The following SUPT3H variants were observed in gnomAD, a reference collection of about 807,000 sequenced individuals.
The protein encoded by SUPT3H is transcription initiation protein SPT3 homolog.
A neutral mutation model predicts 44.3 loss-of-function variants in SUPT3H; 44 were observed. The observed-to-expected ratio is 0.99, with a 90% CI of 0.78 to 1.28. SUPT3H has a LOEUF of 1.28. Among genes scored for constraint, SUPT3H ranks in the 50% most tolerant of loss-of-function variants. The pLI is 0.00. For synonymous variants in SUPT3H, 124 were observed against 125.6 expected, an observed-to-expected ratio of 0.99 and a Z score of 0.09; for missense variants, 380 against 387.1, an observed-to-expected ratio of 0.98 and a Z score of 0.15.
intron 2 of SUPT3H, among the ~76,000 whole-genome samples, chr6:45,294,660 A>G (rs1003644588): frequency 2.7e-5 from 4 of 148,090 alleles, no homozygotes; most frequent in South Asian, 2.1e-4. Flanking sequence ...TACACTAATC[A>G]GCACCTCTTC....
intron 11 of SUPT3H, among the ~76,000 whole-genome samples, chr6:44,814,356 A>C (rs1304345752): frequency 6.6e-6 from 1 of 152,190 alleles, no homozygotes; most frequent in East Asian, 1.9e-4. Flanking sequence ...GCAGTGATCC[A>C]AGTCCAGGGT....
At chr6:45,319,911 C>A (rs1785226214) in intron 2 of SUPT3H, among the ~76,000 whole-genome samples, 2 of 152,026 alleles carry the variant, frequency 1.3e-5, no homozygotes, top group African/African-American at 4.8e-5. Context: ...GTACATAAAT[C>A]TTAACATCTT....
intron 10 of SUPT3H, among the ~76,000 whole-genome samples, chr6:44,917,600 T>A (rs371348382): frequency 6.6e-6 from 1 of 152,180 alleles, no homozygotes; most frequent in East Asian, 1.9e-4. Flanking sequence ...GCTTTCACCT[T>A]GGTAGAGCAC....
At position 45,123,031 on chromosome 6, in the gene SUPT3H, CTAAA is replaced by C. The variant is rs1801896835; in HGVS notation, c.102-17029_102-17026del. Among the ~76,000 whole-genome samples, 4 of 152,268 alleles carry C rather than the reference CTAAA, an allele frequency of 2.6e-5. No homozygotes were observed. The South Asian group carries it at 8.3e-4, about 32-fold the overall frequency. On this transcript the variant is annotated intron_variant, in intron 2 of 10. Transcript: ENST00000371459. ...CAAAAGCTGACACTTAAGTGGAATA[CTAAA>C]TAAATATAGTCCTATTTTCTTTATT...
intron 10 of SUPT3H, among the ~76,000 whole-genome samples, chr6:44,919,295 GA>G (rs368195071): frequency 1.3e-5 from 2 of 150,242 alleles, no homozygotes; most frequent in East Asian, 3.9e-4. Flanking sequence ...TTTAATGAAG[GA>G]AAAAAAAAGT....
At chr6:44,889,557 A>G (rs1180827019) in intron 10 of SUPT3H, among the ~76,000 whole-genome samples, 1 of 152,232 alleles carries the variant, frequency 6.6e-6, no homozygotes, top group African/African-American at 2.4e-5. Flanking sequence ...CTGGCTAGCC[A>G]CATGTAGAAA....
chr6:45,228,237 G>A (rs1273984606), intron 2 of SUPT3H, among the ~76,000 whole-genome samples: 1 of 152,182 alleles, frequency 6.6e-6, no homozygotes, highest in East Asian at 1.9e-4. Flanking sequence ...ATTATTCTAA[G>A]TTATTCTATG....
At chr6:45,055,995 T>A (rs2186062) in intron 3 of SUPT3H, among the ~76,000 whole-genome samples, 1 of 151,504 alleles carries the variant, frequency 6.6e-6, no homozygotes, top group East Asian at 1.9e-4. Context: ...ACAAATAATC[T>A]CATCAAAAAA....
intron 2 of SUPT3H, among the ~76,000 whole-genome samples, chr6:45,141,733 A>T (rs1805251640): frequency 6.6e-6 from 1 of 152,178 alleles, no homozygotes; most frequent in Non-Finnish European, 1.5e-5. Context: ...AAACAGTAAT[A>T]AAAAATTGCC....
intron 2 of SUPT3H, among the ~76,000 whole-genome samples, chr6:45,179,650 C>CA (rs1812739403): frequency 6.6e-6 from 1 of 152,160 alleles, no homozygotes; most frequent in Non-Finnish European, 1.5e-5. Context: ...TCAATAGATG[C>CA]AGAAAAGGCC....
intron 3 of SUPT3H, among the ~76,000 whole-genome samples, chr6:45,059,384 A>G (rs1032139456): frequency 1.1e-4 from 16 of 152,184 alleles, no homozygotes; most frequent in Admixed American, 9.2e-4. Context: ...ATAAAATTCA[A>G]CATCCTTTCA....
intron 6 of SUPT3H, among the ~76,000 whole-genome samples, chr6:44,999,297 G>A (rs916503467): frequency 5.9e-5 from 9 of 152,092 alleles, no homozygotes; most frequent in South Asian, 2.1e-4. Context: ...AACAGACAAG[G>A]TCTTGCTATG....
At chr6:45,241,666 G>T (rs954583643) in intron 2 of SUPT3H, among the ~76,000 whole-genome samples, 1 of 152,110 alleles carries the variant, frequency 6.6e-6, no homozygotes, top group Non-Finnish European at 1.5e-5. Flanking sequence ...TAGAGCTGCT[G>T]GGTTAGGGTC....
chr6:45,181,479 A>T (rs1341504792), intron 2 of SUPT3H, among the ~76,000 whole-genome samples: 1 of 152,026 alleles, frequency 6.6e-6, no homozygotes, highest in Non-Finnish European at 1.5e-5. Context: ...ATGTCCAACA[A>T]TGATAGACTG....
intron 10 of SUPT3H, among the ~76,000 whole-genome samples, chr6:44,886,971 G>A (rs1762406040): frequency 6.6e-6 from 1 of 152,106 alleles, no homozygotes; most frequent in Non-Finnish European, 1.5e-5. Flanking sequence ...TGCAATCCTA[G>A]TCTCTGATAA....
At chr6:44,921,785 T>C (rs937387157) in intron 10 of SUPT3H, among the ~76,000 whole-genome samples, 1 of 152,162 alleles carries the variant, frequency 6.6e-6, no homozygotes, top group Non-Finnish European at 1.5e-5. Flanking sequence ...TACACAAGTG[T>C]TTGAATTGGA....
chr6:44,980,445 T>C (rs1256773528), intron 6 of SUPT3H, among the ~76,000 whole-genome samples: 3 of 152,214 alleles, frequency 2.0e-5, no homozygotes, highest in African/African-American at 7.2e-5. Context: ...GGGCTTATTG[T>C]ACTAAGGATT....
intron 10 of SUPT3H, among the ~76,000 whole-genome samples, chr6:44,885,566 G>C (rs910850806): frequency 2.0e-5 from 3 of 152,196 alleles, no homozygotes; most frequent in African/African-American, 4.8e-5. Context: ...CTGTCTGTTA[G>C]AAGGAAAACT....
chr6:45,346,929 G>A (rs1002305358), intron 2 of SUPT3H, among the ~76,000 whole-genome samples: 2 of 152,050 alleles, frequency 1.3e-5, no homozygotes, highest in Non-Finnish European at 2.9e-5. Flanking sequence ...AAATAAACAA[G>A]TGCCTAAACA....
Sources: allele counts gnomAD v4.1 joint callset (sites outside exome capture counted in the v4.1 genomes callset), GRCh38; gene constraint gnomAD v4.1.1; transcripts MANE v1.5; gene names NCBI Gene and HGNC (gene_info 2026-07-23, HGNC 2026-07-21).